TBC1D7: variants seen among roughly 807,000 people sequenced by gnomAD.
TBC1D7 encodes TBC domain family 7.
In TBC1D7, 33 loss-of-function variants were observed where a neutral mutation model predicts 35.3. The observed-to-expected ratio is 0.93, with a 90% confidence interval of 0.71 to 1.25. TBC1D7 has a LOEUF of 1.25. Ranked by LOEUF, TBC1D7 falls within the 50% of genes most tolerant of loss-of-function variation. The pLI is 0.00. For missense variants in TBC1D7, 362 were observed against 365.3 expected (o/e 0.99, Z 0.07); for synonymous variants, 135 against 129.5 (o/e 1.04, Z -0.29).
At position 13,305,039 on chromosome 6, in the gene TBC1D7, C is replaced by T; in HGVS notation, c.*62G>A. ...ATTATTCAATCAGTTTCCCAGATCACATGCCAAGAACACAATGCTCACTGT... is the reference window on the plus strand; with the variant it reads ...ATTATTCAATCAGTTTCCCAGATCATATGCCAAGAACACAATGCTCACTGT... On this transcript the variant is annotated 3_prime_UTR_variant, in exon 8 of 8. Transcript: ENST00000379300. 7.4e-7 allele frequency: 1 copy of T among 1,353,172 alleles called. No homozygotes were observed. Among genetic ancestry groups the T allele is most frequent in the Non-Finnish European group, 1.0e-6 (1 of 988,310 alleles). The allele number at this position is 1,353,172 out of a possible 1,614,324, so 83.8% of individuals were successfully genotyped here.
At chr6:13,317,073 CA>C (rs2127534622) in intron 4 of TBC1D7, among the ~76,000 whole-genome samples, 1 of 152,310 alleles carries the variant, frequency 6.6e-6, no homozygotes, top group African/African-American at 2.4e-5. Context: ...GTGTAATAAA[CA>C]GCACCATCAG....
rs2127545992 is a variant in TBC1D7 at position 13,327,065 on chromosome 6, TA to T, written c.-8-160del. On this transcript the variant is annotated intron_variant, in intron 1 of 7. Transcript: ENST00000379300. ...AGGACCCAATATTAAATTTTTCCTT[TA>T]ACTCAGTTCTGCAACTATCTCACCT... is the stretch of plus-strand genomic sequence containing the variant. 1.4e-5 allele frequency: 7 copies of T among 504,472 alleles called. No homozygotes were observed. In the South Asian group the frequency reaches 1.9e-4, roughly 14 times the overall value. 31.2% of individuals were successfully genotyped at this position (504,472 alleles called of 1,614,324 possible). A position where few individuals can be genotyped will look rare whatever the true frequency, so the allele number is the denominator to read the frequency against.
At chr6:13,323,032 T>G (rs1562172539) in intron 3 of TBC1D7, among the ~76,000 whole-genome samples, 1 of 152,188 alleles carries the variant, frequency 6.6e-6, no homozygotes, top group Non-Finnish European at 1.5e-5. Flanking sequence ...TCCAGTGCCT[T>G]GTCCTCAAAA....
intron 5 of TBC1D7, 75 bp downstream of exon 5, chr6:13,316,496 G>A: frequency 2.7e-6 from 4 of 1,491,770 alleles, no homozygotes; most frequent in Non-Finnish European, 3.6e-6. Context: ...AGCCCCAGGA[G>A]GTAAGAGCAC....
chr6:13,323,213 C>T (rs1029614293), intron 3 of TBC1D7, among the ~76,000 whole-genome samples: 2 of 152,090 alleles, frequency 1.3e-5, no homozygotes, highest in African/African-American at 2.4e-5. Context: ...ATTAGCCGGG[C>T]GTGGGGGTGC....
At chr6:13,325,745 G>C (rs1012642564) in intron 2 of TBC1D7, among the ~76,000 whole-genome samples, 1 of 152,216 alleles carries the variant, frequency 6.6e-6, no homozygotes, top group Non-Finnish European at 1.5e-5. Context: ...CCCTATAACA[G>C]TGGTAGTTAT....
chr6:13,316,663 C>A lies in TBC1D7; in HGVS notation c.427G>T (p.Glu143Ter), dbSNP rs1783645894. 6.2e-7 allele frequency: 1 copy of A among 1,614,110 alleles called. No homozygotes were observed. Among genetic ancestry groups the A allele is most frequent in the Non-Finnish European group, 8.5e-7 (1 of 1,179,988 alleles). ...VFLAIAKAME[E>*]MVEDSVDCYW... Reference sequence around the variant, plus strand: ...CAGTCGACACTATCTTCCACCATTTCCTCCATGGCTTTAGCTATGGCAAGA... The same window carrying A: ...CAGTCGACACTATCTTCCACCATTTACTCCATGGCTTTAGCTATGGCAAGA... Residue 143 changes from glutamate (E) to a stop codon, truncating the protein, a stop_gained, in exon 5 of 8, where the codon GAA becomes TAA. Coordinates refer to ENST00000379300, the MANE Select transcript of TBC1D7 (RefSeq NM_016495.6). LOFTEE classifies it high-confidence loss of function.
chr6:13,305,149 G>T lies in TBC1D7; in HGVS notation c.834C>A (p.Ala278=). ...QDSSDAIVSK[A]IDLWHKHCGT... is the part of the protein sequence containing the mutation. ...CACAGTGTTTGTGCCACAAGTCAAT[G>T]GCCTTGCTCACGATCGCGTCTGAGC... The change falls in exon 8 of 8, where the codon GCC becomes GCA. Residue 278 remains alanine (A), a synonymous_variant. Transcript: ENST00000379300. 1 of 1,614,078 alleles carries T rather than the reference G, an allele frequency of 6.2e-7. No homozygotes were observed. The highest frequency in any genetic ancestry group is 8.5e-7 in the Non-Finnish European group (1 of 1,179,986).
intron 3 of TBC1D7, among the ~76,000 whole-genome samples, chr6:13,323,550 A>G (rs1213470245): frequency 1.3e-5 from 2 of 152,180 alleles, no homozygotes; most frequent in Non-Finnish European, 2.9e-5. Context: ...GTACCCCAGA[A>G]GGCACGGAGA....
At chr6:13,321,117 A>C in intron 3 of TBC1D7, 22 bp from the exon 4 acceptor site, 1 of 1,589,002 alleles carries the variant, frequency 6.3e-7, no homozygotes, top group Non-Finnish European at 8.6e-7. Context: ...AGGAAAAACG[A>C]AAAAAGGACA....
intron 1 of TBC1D7, among the ~76,000 whole-genome samples, chr6:13,327,319 TTTTG>T (rs1393049476): frequency 6.6e-6 from 1 of 152,270 alleles, no homozygotes; most frequent in Non-Finnish European, 1.5e-5. Context: ...TGATTTCATT[TTTTG>T]TTTTTTACAA....
At chr6:13,322,848 C>G (rs941128340) in intron 3 of TBC1D7, among the ~76,000 whole-genome samples, 1 of 152,218 alleles carries the variant, frequency 6.6e-6, no homozygotes. Context: ...CTGCTAGAGG[C>G]AGCACATTAA....
chr6:13,326,904 A>T lies in TBC1D7; in HGVS notation c.-6T>A, dbSNP rs777235220. 2 of 1,561,910 alleles carry T rather than the reference A, an allele frequency of 1.3e-6. No homozygotes were observed. The highest frequency in any genetic ancestry group is 4.5e-5 in the East Asian group (2 of 44,104). On this transcript the variant is annotated splice_region_variant and 5_prime_UTR_variant, in exon 2 of 8. It removes an upstream start codon present in the reference 5' UTR. Coordinates refer to ENST00000379300, the MANE Select transcript of TBC1D7 (RefSeq NM_016495.6). ...CTCTGAGAGTCCTCAGTCATATTTCATTCTTGGAGGAGACACAGAAAGACA... is the reference window on the plus strand; with the variant it reads ...CTCTGAGAGTCCTCAGTCATATTTCTTTCTTGGAGGAGACACAGAAAGACA...
intron 7 of TBC1D7, 121 bp from the exon 8 acceptor site, chr6:13,305,308 C>T: frequency 1.1e-6 from 1 of 945,498 alleles, no homozygotes; most frequent in Admixed American, 2.0e-5. Context: ...CAGAAAGTGA[C>T]AGCATAAAAG....
Position 13,307,619 on chromosome 6 carries a change from G to C in TBC1D7, c.646C>G (p.Pro216Ala), listed in dbSNP as rs778513358. The C allele has an allele frequency of 6.2e-7, 1 of 1,614,086 alleles. No homozygotes were observed. Among genetic ancestry groups the C allele is most frequent in the Non-Finnish European group, 8.5e-7 (1 of 1,180,024 alleles). The change falls in exon 6 of 8, where the codon CCT becomes GCT. Residue 216 changes from proline to alanine, a missense_variant. Physicochemically the swap from Pro to Ala is conservative, Grantham distance 27 (BLOSUM62 -1). Transcript: ENST00000379300. The part of the protein sequence containing the change: ...WFKRCFAGCL[P>A]ESSLQRVWDK... ...ACTTGCCTCTGTAAACTGGATTCAG[G>C]CAAACATCCCGCAAAGCACCTCTTG...
At position 13,325,123 on chromosome 6, in the gene TBC1D7, T is replaced by A. The variant is rs1410933195; in HGVS notation, c.164A>T (p.Tyr55Phe). Residue 55 changes from tyrosine to phenylalanine, a missense_variant, in exon 3 of 8, where the codon TAC becomes TTC. By Grantham distance (22) the Tyr-to-Phe change is conservative. Transcript: ENST00000379300. ...FSQRFPLPSM[Y>F]RALVWKVLLG... is the part of the protein sequence containing the mutation. The stretch of plus-strand genomic sequence containing the variant: ...AAGCACCTTCCATACCAATGCACGG[T>A]ACATGGACGGGAGAGGGAACCTCTG... 1 of 1,613,808 alleles carries A rather than the reference T, an allele frequency of 6.2e-7. No homozygotes were observed. The highest frequency in any genetic ancestry group is 8.5e-7 in the Non-Finnish European group (1 of 1,179,790).
At chr6:13,315,607 C>T (rs115451403) in intron 5 of TBC1D7, among the ~76,000 whole-genome samples, 4,377 of 152,194 alleles carry the variant, frequency 0.029, 92 homozygotes, top group Middle Eastern at 0.068. Context: ...ATCCCACTTA[C>T]TTGGGAGGCT....
intron 3 of TBC1D7, among the ~76,000 whole-genome samples, chr6:13,322,407 T>C (rs970900941): frequency 3.3e-5 from 5 of 152,346 alleles, no homozygotes; most frequent in Admixed American, 2.0e-4. Flanking sequence ...TGGTGACCTT[T>C]AGCAATTACT....
At chr6:13,324,932 A>C (rs1784302803) in intron 3 of TBC1D7, among the ~76,000 whole-genome samples, 162 bp downstream of exon 3, 1 of 152,248 alleles carries the variant, frequency 6.6e-6, no homozygotes, top group African/African-American at 2.4e-5. Context: ...TAGTATCATT[A>C]ATAGAACAGA....
Sources: gnomAD v4.1 joint callset for allele counts (sites outside exome capture counted in the v4.1 genomes callset) on GRCh38, gnomAD v4.1.1 for gene constraint, MANE v1.5 for transcripts, NCBI Gene and HGNC (gene_info 2026-07-23, HGNC 2026-07-21) for gene names.